ALMS1: variants seen among roughly 807,000 people sequenced by gnomAD.
ALMS1 encodes the protein centrosome-associated protein ALMS1.
ALMS1 carries 271 observed loss-of-function variants against 352.2 expected under a neutral mutation model. That is an observed-to-expected ratio of 0.77 (90% CI 0.70 to 0.85). The LOEUF is 0.85. Ranked by LOEUF, ALMS1 falls within the 40% of genes least tolerant of loss-of-function variation. The pLI, the probability that ALMS1 is intolerant of heterozygous loss-of-function variation, is 0.00. For synonymous variants in ALMS1, 1,865 were observed against 1,761.2 expected (o/e 1.06, Z -1.48); for missense variants, 5,445 against 4,870.7 (o/e 1.12, Z -3.51).
chr2:73,599,287 G>A (rs1321739967), intron 16 of ALMS1, 114 bp from the exon 17 acceptor site: 16 of 1,352,424 alleles, frequency 1.2e-5, no homozygotes, highest in Non-Finnish European at 1.7e-5. Context: ...TCCTCCAAAT[G>A]CATCTCAACA....
intron 19 of ALMS1, 98 bp downstream of exon 19, chr2:73,601,534 G>C: frequency 6.5e-7 from 1 of 1,531,080 alleles, no homozygotes; most frequent in Non-Finnish European, 8.9e-7. Context: ...TGAGGTGTAG[G>C]CCTGAGACGC....
At position 73,449,869 on chromosome 2, in the gene ALMS1, T is replaced by G. The variant is rs761954298; in HGVS notation, c.3342T>G (p.Ser1114Arg). The G allele has an allele frequency of 1.2e-6, 2 of 1,613,790 alleles. No homozygotes were observed. Among genetic ancestry groups the G allele is most frequent in the South Asian group, 2.2e-5 (2 of 91,054 alleles). ...GIFYQQTLPE[S>R]HLPKEALKIS... ...TCTACCAACAGACCTTGCCAGAGAG[T>G]CATCTGCCTAAAGAGGCTCTGAAAA... Residue 1114 changes from serine (S) to arginine (R), a missense_variant, in exon 8 of 23, where the codon AGT becomes AGG. Ser to Arg is a moderately radical substitution (Grantham distance 110). Transcript: ENST00000613296.
At chr2:73,527,552 A>G (rs1673817930) in intron 11 of ALMS1, among the ~76,000 whole-genome samples, 1 of 151,870 alleles carries the variant, frequency 6.6e-6, no homozygotes, top group South Asian at 2.1e-4. Context: ...TTATTGGTGT[A>G]AAGTTGCTCA....
chr2:73,488,696 T>C (rs1173738561), intron 9 of ALMS1, among the ~76,000 whole-genome samples: 1 of 152,214 alleles, frequency 6.6e-6, no homozygotes, highest in Non-Finnish European at 1.5e-5. Context: ...ATCAAAAATA[T>C]ATCTACTCCA....
At chr2:73,561,886 A>C (rs1365129350) in intron 15 of ALMS1, among the ~76,000 whole-genome samples, 2 of 152,196 alleles carry the variant, frequency 1.3e-5, no homozygotes, top group Admixed American at 6.5e-5. Context: ...AATGTTTTAC[A>C]CTCTGAATAA....
intron 2 of ALMS1, among the ~76,000 whole-genome samples, chr2:73,409,687 A>C (rs1301699396): frequency 6.6e-6 from 1 of 152,162 alleles, no homozygotes; most frequent in Non-Finnish European, 1.5e-5. Context: ...TCTCCAGAGA[A>C]ACAGAACCAA....
At chr2:73,523,488 C>A (rs1303886923) in intron 11 of ALMS1, among the ~76,000 whole-genome samples, 1 of 152,026 alleles carries the variant, frequency 6.6e-6, no homozygotes, top group African/African-American at 2.4e-5. Flanking sequence ...TGTTTCTGGC[C>A]AGGCGTGGTG....
In ALMS1 at chr2:73,514,860, G is replaced by A. The variant is rs374320924; in HGVS notation, c.9540-4915G>A. Among the ~76,000 whole-genome samples, 21 of 152,230 alleles carry A rather than the reference G, an allele frequency of 1.4e-4. 1 individual carries two copies. In the East Asian group the frequency reaches 1.9e-3, roughly 14 times the overall value. On this transcript the variant is annotated intron_variant, in intron 10 of 22. Coordinates refer to ENST00000613296, the MANE Select transcript of ALMS1 (RefSeq NM_001378454.1). Reference sequence around the variant, plus strand: ...AAAGAGCTACTATCTTTGTTGAAAGGCCAAGTGTCGTTCTTATTTTTGCAC... The same window carrying A: ...AAAGAGCTACTATCTTTGTTGAAAGACCAAGTGTCGTTCTTATTTTTGCAC...
At chr2:73,416,833 A>G (rs1671190323) in intron 2 of ALMS1, among the ~76,000 whole-genome samples, 1 of 152,194 alleles carries the variant, frequency 6.6e-6, no homozygotes, top group Non-Finnish European at 1.5e-5. Context: ...TAAAGACTCA[A>G]AAACTTGTAA....
At chr2:73,395,522 A>G (rs1387106160) in intron 1 of ALMS1, among the ~76,000 whole-genome samples, 1 of 152,074 alleles carries the variant, frequency 6.6e-6, no homozygotes, top group African/African-American at 2.4e-5. Flanking sequence ...TTTTTCTTAA[A>G]TTCTTCAAAA....
intron 15 of ALMS1, among the ~76,000 whole-genome samples, chr2:73,567,454 T>G (rs1403828912): frequency 6.6e-6 from 1 of 152,180 alleles, no homozygotes; most frequent in Non-Finnish European, 1.5e-5. Flanking sequence ...GGCCAGGAGC[T>G]AGGGTTAAGG....
At chr2:73,471,459 C>A (rs1572953914) in intron 9 of ALMS1, among the ~76,000 whole-genome samples, 1 of 106,146 alleles carries the variant, frequency 9.4e-6, no homozygotes, top group Admixed American at 1.2e-4. Flanking sequence ...GGTTAATATC[C>A]AAAGTATATA....
chr2:73,608,179 G>A (rs1255238018), intron 21 of ALMS1, among the ~76,000 whole-genome samples: 2 of 152,170 alleles, frequency 1.3e-5, no homozygotes, highest in Non-Finnish European at 2.9e-5. Context: ...AGAGCAGAAA[G>A]TAGAAGTTCA....
chr2:73,602,081 A>G (rs1675704657), intron 19 of ALMS1, 104 bp from the exon 20 acceptor site: 1 of 1,193,318 alleles, frequency 8.4e-7, no homozygotes, highest in African/African-American at 1.5e-5. Context: ...TTTGAATCAG[A>G]CTTCCCCAAA....
At chr2:73,509,442 A>G (rs1184747196) in intron 10 of ALMS1, among the ~76,000 whole-genome samples, 1 of 152,134 alleles carries the variant, frequency 6.6e-6, no homozygotes, top group African/African-American at 2.4e-5. Context: ...GAGGTCTTGT[A>G]AGGCAGGCCT....
chr2:73,427,378 A>G (rs953702451), intron 6 of ALMS1, among the ~76,000 whole-genome samples: 2 of 152,184 alleles, frequency 1.3e-5, no homozygotes, highest in Non-Finnish European at 1.5e-5. Context: ...CCAAATGAGC[A>G]ACATACTAAT....
At chr2:73,530,592 A>T (rs986566968) in intron 11 of ALMS1, among the ~76,000 whole-genome samples, 3 of 152,182 alleles carry the variant, frequency 2.0e-5, no homozygotes, top group African/African-American at 7.2e-5. Context: ...GGTCTAGAGG[A>T]TGGTGGCCCT....
intron 9 of ALMS1, among the ~76,000 whole-genome samples, chr2:73,476,953 G>A (rs1672596101): frequency 6.6e-6 from 1 of 152,016 alleles, no homozygotes; most frequent in Admixed American, 6.6e-5. Context: ...AGTTCCTATG[G>A]TATTCAGTAC....
intron 9 of ALMS1, among the ~76,000 whole-genome samples, chr2:73,479,013 A>G (rs1050069750): frequency 2.0e-5 from 3 of 152,150 alleles, no homozygotes; most frequent in Non-Finnish European, 2.9e-5. Flanking sequence ...AGCAAAGGAC[A>G]TGGTCTTATT....
Sources: gnomAD v4.1 joint callset for allele counts (sites outside exome capture counted in the v4.1 genomes callset) on GRCh38, gnomAD v4.1.1 for gene constraint, MANE v1.5 for transcripts, NCBI Gene and HGNC (gene_info 2026-07-23, HGNC 2026-07-21) for gene names.